Variants in RIF1 observed in about 807,000 individuals in gnomAD.
The protein encoded by RIF1 is telomere-associated protein RIF1.
In RIF1, 45 loss-of-function variants were observed where a neutral mutation model predicts 247.1. The ratio of observed to expected loss-of-function variants is 0.18; its 90% confidence interval spans 0.14 to 0.23. The LOEUF is 0.23. RIF1 is among the 10% of genes least tolerant of loss of function. The probability of loss-of-function intolerance (pLI) is 1.00; values close to 1 mark genes in which losing one functional copy is unlikely to be tolerated. For missense variants in RIF1, 2,967 were observed against 2,862.5 expected (o/e 1.04, Z -0.83); for synonymous variants, 1,087 against 978.8 (o/e 1.11, Z -2.06).
At chr2:151,492,408 C>A (rs1397144611) in intron 9 of RIF1, 2 of 1,606,090 alleles carry the variant, frequency 1.2e-6, no homozygotes, top group East Asian at 2.2e-5. Context: ...GCCGTTGGGT[C>A]TCCCTCACCC....
intron 10 of RIF1, among the ~76,000 whole-genome samples, chr2:151,433,517 C>T (rs1489001078): frequency 3.3e-5 from 5 of 152,094 alleles, no homozygotes; most frequent in East Asian, 1.9e-4. Context: ...TGCAGTGGCA[C>T]GATCTCGGCT....
Position 151,462,938 on chromosome 2 carries a change from G to A in RIF1, c.3418G>A (p.Gly1140Ser), listed in dbSNP as rs1237367991. 5.6e-6 allele frequency: 9 copies of A among 1,613,700 alleles called. No homozygotes were observed. The highest frequency in any genetic ancestry group is 6.8e-6 in the Non-Finnish European group (8 of 1,179,882). The change falls in exon 30 of 36, where the codon GGT becomes AGT. Residue 1140 changes from glycine to serine, a missense_variant. Physicochemically the swap from Gly to Ser is moderately conservative, Grantham distance 56. Transcript: ENST00000444746. ...TCCTCAAGATGTCACGGAAGACTGT[G>A]GTATGGCTGAACATCTTGAAAAGTC... ...VIPQDVTEDC[G>S]MAEHLEKSSL...
the RIF1 span, chr2:151,529,128 T>G: frequency 2.2e-6 from 2 of 907,374 alleles, no homozygotes; most frequent in Admixed American, 1.9e-5. Flanking sequence ...CTGAATTGCC[T>G]GAAGAGATGT....
chr2:151,520,039 CA>C, the RIF1 span: 90,897 of 158,968 alleles, frequency 0.57, 21,506 homozygotes, highest in Admixed American at 0.68. Flanking sequence ...TAATGCAAAA[CA>C]AAAAAAAAAA....
chr2:151,475,288 T>C lies in RIF1; in HGVS notation c.*217T>C. On this transcript the variant is annotated 3_prime_UTR_variant, in exon 36 of 36. Transcript: ENST00000444746. ...TTTCATAATATGTATTCTTGGCTGC[T>C]ATGCGTGGTTTTTCAGGAAATTTAA... 1 of 492,082 alleles carries C rather than the reference T, an allele frequency of 2.0e-6. No individual in the cohort carries two copies. 30.5% of individuals were successfully genotyped at this position (492,082 alleles called of 1,614,324 possible).
chr2:151,466,050 C>T lies in RIF1; in HGVS notation c.6530C>T (p.Pro2177Leu). ...TGTGTCTGGTCTCCTTTGGCTTCTCCGTCTACGAGCATTTTAAAGAGAGGA... is the reference window on the plus strand; with the variant it reads ...TGTGTCTGGTCTCCTTTGGCTTCTCTGTCTACGAGCATTTTAAAGAGAGGA... ...TRCVWSPLAS[P>L]STSILKRGLK... The change falls in exon 30 of 36, where the codon CCG becomes CTG. Residue 2177 changes from proline (P) to leucine (L), a missense_variant. By Grantham distance (98) the Pro-to-Leu change is moderately conservative. Coordinates refer to ENST00000444746, the MANE Select transcript of RIF1 (RefSeq NM_018151.5). The T allele has an allele frequency of 3.1e-6, 5 of 1,611,682 alleles. No homozygotes were observed. Among genetic ancestry groups the T allele is most frequent in the African/African-American group, 1.3e-5 (1 of 74,902 alleles).
downstream of RIF1, among the ~76,000 whole-genome samples, chr2:151,509,242 C>T (rs1350381743): frequency 3.3e-5 from 5 of 152,114 alleles, no homozygotes; most frequent in Non-Finnish European, 1.5e-5. Flanking sequence ...CCAGATTTTT[C>T]GGAAGAAACG....
chr2:151,435,908 A>G (rs1691104014), intron 11 of RIF1, among the ~76,000 whole-genome samples: 1 of 151,994 alleles, frequency 6.6e-6, no homozygotes, highest in Non-Finnish European at 1.5e-5. Flanking sequence ...TGATTTTAGA[A>G]CCAGAATCTT....
rs1254892328 is a variant in RIF1, at chr2:151,503,242, GACAC to G, written c.*861+63_*861+66del. 1.4e-5 allele frequency: 11 copies of G among 809,496 alleles called. No individual in the cohort carries two copies. In the African/African-American group the frequency reaches 1.4e-4, roughly 10 times the overall value. The allele number at this position is 809,496 out of a possible 1,614,324, so 50.1% of individuals were successfully genotyped here. On this transcript the variant is annotated intron_variant and NMD_transcript_variant, in intron 12 of 13. Coordinates refer to the RIF1 transcript ENST00000454583. ...CAGGTAATAATACACAACACACACA[GACAC>G]ACACAGAATTGCTGTTAAGATGTTA...
intron 20 of RIF1, among the ~76,000 whole-genome samples, chr2:151,450,942 T>A (rs1694209422): frequency 6.6e-6 from 1 of 152,218 alleles, no homozygotes; most frequent in African/African-American, 2.4e-5. Flanking sequence ...TACTTCATAA[T>A]TTTCAAGAGG....
chr2:151,420,456 T>A, intron 7 of RIF1, 77 bp downstream of exon 7: 1 of 1,420,066 alleles, frequency 7.0e-7, no homozygotes, highest in South Asian at 1.3e-5. Context: ...TTCAGTCTGG[T>A]GGCCAGGTAC....
chr2:151,499,171 C>T (rs2062557322), intron 10 of RIF1: 2 of 518,864 alleles, frequency 3.9e-6, no homozygotes, highest in East Asian at 6.6e-5. Flanking sequence ...GAAATGGCAG[C>T]ATTAAGTTGG....
chr2:151,441,890 T>C lies in RIF1; in HGVS notation c.1648-15T>C. 3 of 1,320,378 alleles carry C rather than the reference T, an allele frequency of 2.3e-6. No homozygotes were observed. Among genetic ancestry groups the C allele is most frequent in the Non-Finnish European group, 3.2e-6 (3 of 934,020 alleles). The allele number at this position is 1,320,378 out of a possible 1,614,324, so 81.8% of individuals were successfully genotyped here. On this transcript the variant is annotated splice_polypyrimidine_tract_variant and intron_variant, in intron 15 of 35. Transcript: ENST00000444746. ...TTTACGGCTAATTTACTGTAAAACC[T>C]TTTATCTCTCATAGGTCCTCATGGA...
chr2:151,471,815 C>T (rs2048555888), intron 34 of RIF1, among the ~76,000 whole-genome samples: 1 of 152,104 alleles, frequency 6.6e-6, no homozygotes, highest in Non-Finnish European at 1.5e-5. Flanking sequence ...ATGTCTCCAG[C>T]TTTGTCTTTT....
At chr2:151,516,700 G>T in the RIF1 span, 1 of 672,574 alleles carries the variant, frequency 1.5e-6, no homozygotes, top group African/African-American at 1.8e-5. Context: ...TTCCTGTTAT[G>T]TTTCAGATCC....
chr2:151,509,102 TTTG>T (rs2071785702), downstream of RIF1, among the ~76,000 whole-genome samples: 1 of 152,216 alleles, frequency 6.6e-6, no homozygotes. Context: ...CTCTATGTAC[TTTG>T]TTAATATAGG....
chr2:151,458,006 G>T, intron 24 of RIF1, 43 bp downstream of exon 24: 1 of 1,382,006 alleles, frequency 7.2e-7, no homozygotes, highest in Non-Finnish European at 1.0e-6. Flanking sequence ...CTATTCTGTT[G>T]TGATCATATA....
intron 28 of RIF1, 35 bp from the exon 29 acceptor site, chr2:151,462,377 T>G: frequency 6.9e-7 from 1 of 1,459,818 alleles, no homozygotes; most frequent in Non-Finnish European, 9.3e-7. Context: ...TTCAAATAAT[T>G]ATAAAAATAA....
chr2:151,450,184 TG>T (rs952271117), intron 20 of RIF1, among the ~76,000 whole-genome samples: 8 of 152,102 alleles, frequency 5.3e-5, no homozygotes, highest in African/African-American at 1.9e-4. Context: ...CCAGGGAACT[TG>T]GAAGGGTGCT....
Sources: allele counts gnomAD v4.1 joint callset (sites outside exome capture counted in the v4.1 genomes callset), GRCh38; gene constraint gnomAD v4.1.1; transcripts MANE v1.5; gene names NCBI Gene and HGNC (gene_info 2026-07-23, HGNC 2026-07-21).